Variants in RALGAPA1 observed in about 807,000 individuals in gnomAD.
RALGAPA1 encodes ral GTPase-activating protein subunit alpha-1.
RALGAPA1 carries 52 observed loss-of-function variants against 269.6 expected under a neutral mutation model. The ratio of observed to expected loss-of-function variants is 0.19; its 90% confidence interval spans 0.15 to 0.24. RALGAPA1 has a LOEUF of 0.24. RALGAPA1 is among the 10% of genes least tolerant of loss of function. The pLI, the probability that RALGAPA1 is intolerant of heterozygous loss-of-function variation, is 1.00. For missense variants in RALGAPA1, 1,917 were observed against 3,013.9 expected, an observed-to-expected ratio of 0.64 and a Z score of 8.52; for synonymous variants, 817 against 1,008.3, an observed-to-expected ratio of 0.81 and a Z score of 3.60.
chr14:35,766,577 T>C, intron 4 of RALGAPA1: 1 of 799,856 alleles, frequency 1.3e-6, no homozygotes, highest in Non-Finnish European at 2.2e-6. Context: ...TACAATATGG[T>C]CACAGATGTG....
rs373259684 is a variant in RALGAPA1, at chr14:35,728,401, C to T, written c.1697G>A (p.Arg566Gln). 3.1e-6 allele frequency: 5 copies of T among 1,593,944 alleles called. No homozygotes were observed. The highest frequency in any genetic ancestry group is 4.3e-6 in the Non-Finnish European group (5 of 1,173,246). Residue 566 changes from arginine to glutamine, a missense_variant, in exon 13 of 42, where the codon CGG becomes CAG. Coordinates refer to ENST00000680220, the MANE Select transcript of RALGAPA1 (RefSeq NM_001346249.2). ...DMCKRILNIYRYMVVQVSMDK... is the reference protein window; with the variant it reads ...DMCKRILNIYQYMVVQVSMDK... ...CATTGATACTTGTACAACCATGTAC[C>T]GATAAATGTTAAGAATGCGTTTACA...
At chr14:35,548,957 A>G (rs1025823920) in intron 40 of RALGAPA1, among the ~76,000 whole-genome samples, 153 bp downstream of exon 40, 1 of 152,204 alleles carries the variant, frequency 6.6e-6, no homozygotes, top group Non-Finnish European at 1.5e-5. Flanking sequence ...AAGAAACCAT[A>G]AATCAAATTT....
chr14:35,581,429 A>G (rs986328695), intron 37 of RALGAPA1, among the ~76,000 whole-genome samples: 2 of 152,298 alleles, frequency 1.3e-5, no homozygotes, highest in African/African-American at 4.8e-5. Context: ...TTGGACTTAA[A>G]AGCTGCTATT....
chr14:35,655,829 T>C lies in RALGAPA1; in HGVS notation c.5474A>G (p.Asn1825Ser). 1.9e-6 allele frequency: 3 copies of C among 1,613,394 alleles called. No individual in the cohort carries two copies. Among genetic ancestry groups the C allele is most frequent in the Non-Finnish European group, 2.5e-6 (3 of 1,179,608 alleles). Residue 1825 changes from asparagine (N) to serine (S), a missense_variant, in exon 29 of 42, where the codon AAT becomes AGT. Asn to Ser is a conservative substitution (Grantham distance 46). This residue lies in a region of RALGAPA1 where 346 missense variants were observed against 566.1 expected (regional missense o/e 0.61). Coordinates refer to ENST00000680220, the MANE Select transcript of RALGAPA1 (RefSeq NM_001346249.2). ...SHHPQIKEAL[N>S]VICVSLKFTN... is the part of the protein sequence containing the mutation. ...TACCTTTAAGGAAACACAAATCACA[T>C]TCAGAGCTTCCTTAATTTGAGGATG...
At chr14:35,766,423 T>C in intron 4 of RALGAPA1, 2 of 1,574,984 alleles carry the variant, frequency 1.3e-6, no homozygotes, top group Non-Finnish European at 8.7e-7. Context: ...GTACAGTCTC[T>C]TTGGTCCAAA....
chr14:35,809,168 C>A lies in RALGAPA1; in HGVS notation c.-333G>T, dbSNP rs543754579. 3.6e-5 allele frequency: 10 copies of A among 279,818 alleles called. No individual in the cohort carries two copies. Among genetic ancestry groups the A allele is most frequent in the African/African-American group, 2.1e-4 (9 of 43,866 alleles). 17.3% of individuals were successfully genotyped at this position (279,818 alleles called of 1,614,324 possible). A position where few individuals can be genotyped will look rare whatever the true frequency, so the allele number is the denominator to read the frequency against. ...CGCCGCTCGCCGCCACAGGCCGGGG[C>A]CCCGGACCCAGAGCCACGAAGGTGG... On this transcript the variant is annotated 5_prime_UTR_variant, in exon 1 of 42. Coordinates refer to ENST00000680220, the MANE Select transcript of RALGAPA1 (RefSeq NM_001346249.2).
chr14:35,745,408 C>A (rs2071959719), intron 10 of RALGAPA1, among the ~76,000 whole-genome samples: 1 of 134,344 alleles, frequency 7.4e-6, no homozygotes, highest in Non-Finnish European at 1.5e-5. Context: ...TACACATACA[C>A]AGACACACAG....
chr14:35,738,654 A>G lies in RALGAPA1; in HGVS notation c.1450-4T>C. 6.3e-7 allele frequency: 1 copy of G among 1,598,974 alleles called. No homozygotes were observed. Among genetic ancestry groups the G allele is most frequent in the South Asian group, 1.1e-5 (1 of 87,522 alleles). ...CAGCAGTATTGGTCCCATTTTCCTG[A>G]AGCAAAATATCAAGTTTTTAATATT... On this transcript the variant is annotated splice_polypyrimidine_tract_variant and splice_region_variant and intron_variant, in intron 11 of 41. Coordinates refer to ENST00000680220, the MANE Select transcript of RALGAPA1 (RefSeq NM_001346249.2).
chr14:35,635,531 T>C lies in RALGAPA1; in HGVS notation c.5744A>G (p.Gln1915Arg), dbSNP rs371681384. The stretch of plus-strand genomic sequence containing the variant: ...TTCTGCTCCCGTAGCATGAAATGGT[T>C]GGAGCAGTGTCTTTAGAGGTAAGGC... ...IMALPLKTLL[Q>R]PFHATGAESD... Residue 1915 changes from glutamine (Q) to arginine (R), a missense_variant, in exon 32 of 42, where the codon CAA becomes CGA. Physicochemically the swap from Gln to Arg is conservative, Grantham distance 43 (BLOSUM62 1). Transcript: ENST00000680220. 5.0e-6 allele frequency: 8 copies of C among 1,609,618 alleles called. No individual in the cohort carries two copies. The highest frequency in any genetic ancestry group is 6.8e-6 in the Non-Finnish European group (8 of 1,178,044).
chr14:35,565,436 CTT>C (rs1408703736), intron 39 of RALGAPA1, among the ~76,000 whole-genome samples: 1 of 151,802 alleles, frequency 6.6e-6, no homozygotes, highest in Non-Finnish European at 1.5e-5. Context: ...AATCAGTAGA[CTT>C]TGGGTAAAGC....
chr14:35,728,118 A>T (rs2070134836), intron 13 of RALGAPA1, among the ~76,000 whole-genome samples: 1 of 152,204 alleles, frequency 6.6e-6, no homozygotes, highest in Non-Finnish European at 1.5e-5. Flanking sequence ...GGGGTTGAGG[A>T]GGATGAGGCC....
intron 1 of RALGAPA1, among the ~76,000 whole-genome samples, chr14:35,798,312 A>G (rs755440269): frequency 6.6e-6 from 1 of 151,502 alleles, no homozygotes; most frequent in Non-Finnish European, 1.5e-5. Flanking sequence ...AAACACTGGG[A>G]CCACAGGTGC....
At chr14:35,561,852 T>C (rs2056290239) in intron 39 of RALGAPA1, among the ~76,000 whole-genome samples, 1 of 152,114 alleles carries the variant, frequency 6.6e-6, no homozygotes, top group South Asian at 2.1e-4. Context: ...TTTAAATCCT[T>C]CAATTATGGA....
At chr14:35,769,589 T>G (rs2074466107) in intron 4 of RALGAPA1, among the ~76,000 whole-genome samples, 1 of 151,794 alleles carries the variant, frequency 6.6e-6, no homozygotes, top group Non-Finnish European at 1.5e-5. Context: ...AAAAATAAAG[T>G]TGAAACCATT....
chr14:35,808,606 C>T, intron 1 of RALGAPA1, 124 bp downstream of exon 1: 1 of 1,016,256 alleles, frequency 9.8e-7, no homozygotes, highest in Non-Finnish European at 1.4e-6. Context: ...CCCGCGTCTC[C>T]GCAGAGGCTA....
chr14:35,703,892 G>C (rs1465539738), intron 16 of RALGAPA1, among the ~76,000 whole-genome samples: 1 of 151,404 alleles, frequency 6.6e-6, no homozygotes, highest in African/African-American at 2.4e-5. Context: ...ATTCACCTTG[G>C]ACCATACAGA....
intron 26 of RALGAPA1, among the ~76,000 whole-genome samples, chr14:35,670,588 A>G (rs2064323758): frequency 6.6e-6 from 1 of 152,118 alleles, no homozygotes. Context: ...GCATTGTCTC[A>G]CAGTTCCACG....
chr14:35,767,947 G>T (rs1281519195), intron 4 of RALGAPA1, among the ~76,000 whole-genome samples: 5 of 152,144 alleles, frequency 3.3e-5, no homozygotes, highest in Middle Eastern at 3.4e-3. Flanking sequence ...GATAATTTTT[G>T]TATTTTTTTC....
intron 4 of RALGAPA1, chr14:35,766,914 C>G (rs548930520): frequency 1.2e-5 from 5 of 414,728 alleles, no homozygotes; most frequent in South Asian, 9.9e-5. Context: ...GTGAGTAACC[C>G]TGTTGCACTC....
Sources: allele counts gnomAD v4.1 joint callset (sites outside exome capture counted in the v4.1 genomes callset), GRCh38; gene constraint gnomAD v4.1.1; regional missense constraint gnomAD v4.1.1; transcripts MANE v1.5; gene names NCBI Gene and HGNC (gene_info 2026-07-23, HGNC 2026-07-21).